PCDHGB1: variants seen among roughly 807,000 people sequenced by gnomAD.
The protein encoded by PCDHGB1 is protocadherin gamma-B1.
PCDHGB1 carries 34 observed loss-of-function variants against 56.6 expected under a neutral mutation model. The ratio of observed to expected loss-of-function variants is 0.60; its 90% CI spans 0.46 to 0.80. The LOEUF (loss-of-function observed/expected upper bound fraction) is 0.80. Among genes scored for constraint, PCDHGB1 ranks in the 30% least tolerant of loss-of-function variants. The probability of loss-of-function intolerance (pLI) is 0.00; values close to 1 mark genes in which losing one functional copy is unlikely to be tolerated. For synonymous variants in PCDHGB1, 561 were observed against 505.9 expected (o/e 1.11, Z -1.46); for missense variants, 1,278 against 1,204.6 (o/e 1.06, Z -0.90).
At chr5:141,376,380 G>C in intron 1 of PCDHGB1, 4 of 1,614,214 alleles carry the variant, frequency 2.5e-6, no homozygotes, top group Non-Finnish European at 3.4e-6. Flanking sequence ...TCGCGTAAGA[G>C]TCATCTGATT....
At chr5:141,398,957 T>G (rs1307112913) in intron 1 of PCDHGB1, 1 of 1,613,868 alleles carries the variant, frequency 6.2e-7, no homozygotes, top group South Asian at 1.1e-5. Context: ...AACTCAGAAA[T>G]TACTTATTCC....
chr5:141,489,913 A>G lies in PCDHGB1; in HGVS notation c.2410-4894A>G. 1 of 1,614,208 alleles carries G rather than the reference A, an allele frequency of 6.2e-7. No homozygotes were observed. Among genetic ancestry groups the G allele is most frequent in the Non-Finnish European group, 8.5e-7 (1 of 1,180,044 alleles). Reference sequence around the variant, plus strand: ...TGGGGGGACCCCAGCCCGCTCAGGGACCACCCTTATCTCTGTCATCGTGCT... The same window carrying G: ...TGGGGGGACCCCAGCCCGCTCAGGGGCCACCCTTATCTCTGTCATCGTGCT... On this transcript the variant is annotated intron_variant, in intron 1 of 3. Transcript: ENST00000523390. The surrounding 1 kb of genome is among the most constrained non-coding windows in gnomAD (Gnocchi z 4.5).
At chr5:141,389,330 C>A in intron 1 of PCDHGB1, 2 of 1,614,000 alleles carry the variant, frequency 1.2e-6, no homozygotes, top group Non-Finnish European at 1.7e-6. Context: ...TGGGGCCCAA[C>A]GGCCAAGTCT....
chr5:141,394,239 G>T (rs530540432), intron 1 of PCDHGB1: 1 of 1,613,750 alleles, frequency 6.2e-7, no homozygotes, highest in Non-Finnish European at 8.5e-7. Flanking sequence ...TTCCTTGACT[G>T]CACACGACCC....
At chr5:141,403,116 A>G (rs1313523426) in intron 1 of PCDHGB1, 6 of 1,614,042 alleles carry the variant, frequency 3.7e-6, no homozygotes, top group Non-Finnish European at 5.1e-6. Flanking sequence ...CTGGCTCTGG[A>G]GCCCCGGGAG....
chr5:141,375,152 G>T, intron 1 of PCDHGB1: 2 of 1,613,930 alleles, frequency 1.2e-6, no homozygotes, highest in Non-Finnish European at 1.7e-6. Context: ...CAGAACAATT[G>T]CTGAAAGTGC....
intron 1 of PCDHGB1, chr5:141,404,048 ATTC>A (rs1247713760): frequency 1.9e-6 from 3 of 1,613,866 alleles, no homozygotes; most frequent in South Asian, 1.1e-5. Flanking sequence ...GGGAACAGTA[ATTC>A]TTCTTTTCAA....
In PCDHGB1 at chr5:141,476,585, G is replaced by C; in HGVS notation, c.2410-18222G>C. 6.2e-7 allele frequency: 1 copy of C among 1,614,214 alleles called. No homozygotes were observed. The highest frequency in any genetic ancestry group is 8.5e-7 in the Non-Finnish European group (1 of 1,180,040). On this transcript the variant is annotated intron_variant, in intron 1 of 3. Coordinates refer to ENST00000523390, the MANE Select transcript of PCDHGB1 (RefSeq NM_018922.3). The surrounding 1 kb of genome is among the most constrained non-coding windows in gnomAD (Gnocchi z 7.6). ...GGCTCCGGGGACGCGCTTTCCGCTC[G>C]AGAGCGCGCACGATCCCGATGTGGG...
Position 141,486,494 on chromosome 5 carries a change from A to G in PCDHGB1, c.2410-8313A>G, listed in dbSNP as rs375607204. 9.3e-6 allele frequency: 15 copies of G among 1,614,058 alleles called. No individual in the cohort carries two copies. The highest frequency in any genetic ancestry group is 1.3e-5 in the Non-Finnish European group (15 of 1,179,958). ...CCCTCCTCTCAGTACCCACAGAACT[A>G]TTTTCCTCAATATTTCAGATGTGAA... On this transcript the variant is annotated intron_variant, in intron 1 of 3. Transcript: ENST00000523390. The surrounding 1 kb of genome is among the most constrained non-coding windows in gnomAD (Gnocchi z 5.0).
intron 1 of PCDHGB1, among the ~76,000 whole-genome samples, chr5:141,448,669 G>T: frequency 6.6e-6 from 1 of 152,136 alleles, no homozygotes; most frequent in East Asian, 1.9e-4. Flanking sequence ...GGCCGGGCGC[G>T]GTGGCTCACG....
intron 1 of PCDHGB1, chr5:141,362,256 G>A (rs775272258): frequency 6.2e-7 from 1 of 1,614,020 alleles, no homozygotes; most frequent in Non-Finnish European, 8.5e-7. Flanking sequence ...TCCTCGCGGT[G>A]ATTCTGGCAA....
chr5:141,374,427 A>G, intron 1 of PCDHGB1: 3 of 1,613,980 alleles, frequency 1.9e-6, no homozygotes, highest in Non-Finnish European at 2.5e-6. Context: ...GATAAACTGA[A>G]TCTTTATCCC....
intron 2 of PCDHGB1, among the ~76,000 whole-genome samples, chr5:141,500,125 T>C (rs1367341826): frequency 2.0e-5 from 3 of 151,970 alleles, no homozygotes; most frequent in African/African-American, 4.8e-5. Flanking sequence ...CCTTTTCATA[T>C]ATATCTTTCT....
Position 141,431,112 on chromosome 5 carries a change from GAGTAGA to G in PCDHGB1, c.2410-63684_2410-63679del, listed in dbSNP as rs764068262. On this transcript the variant is annotated intron_variant, in intron 1 of 3. Transcript: ENST00000523390. The surrounding 1 kb of genome is among the most constrained non-coding windows in gnomAD (Gnocchi z 4.8). ...ATGGAGGATAAAGTGAAAATATATG[GAGTAGA>G]AGTAGAAGTAAGGGACATTAACGAC... The G allele has an allele frequency of 1.7e-5, 28 of 1,614,128 alleles. No individual in the cohort carries two copies. The highest frequency in any genetic ancestry group is 3.3e-5 in the South Asian group (3 of 91,092).
intron 1 of PCDHGB1, chr5:141,376,017 C>G: frequency 6.2e-7 from 1 of 1,613,290 alleles, no homozygotes; most frequent in Middle Eastern, 1.7e-4. Flanking sequence ...CTAGTGGTGG[C>G]CGTCCAGGAC....
intron 1 of PCDHGB1, chr5:141,418,301 C>T: frequency 6.2e-7 from 1 of 1,613,980 alleles, no homozygotes; most frequent in South Asian, 1.1e-5. Context: ...ATCCGTCAGC[C>T]TGGGGATGGG....
intron 1 of PCDHGB1, chr5:141,420,545 A>G: frequency 3.5e-6 from 1 of 289,066 alleles, no homozygotes; most frequent in Non-Finnish European, 6.2e-6. Flanking sequence ...TATAAAATAC[A>G]GGTATATTTT....
intron 1 of PCDHGB1, chr5:141,407,918 C>T (rs890872713): frequency 1.1e-5 from 5 of 472,514 alleles, no homozygotes. Context: ...GGGCTGCTGT[C>T]CCGCACGGAG....
chr5:141,409,953 CCGG>C (rs1418234891), intron 1 of PCDHGB1: 2 of 1,613,280 alleles, frequency 1.2e-6, no homozygotes, highest in Non-Finnish European at 1.7e-6. Flanking sequence ...TCTGCAGAGC[CCGG>C]CTACCTAGTG....
Sources: gnomAD v4.1 joint callset for allele counts (sites outside exome capture counted in the v4.1 genomes callset) on GRCh38, gnomAD v4.1.1 for gene constraint, Gnocchi (gnomAD v3.1) non-coding constraint, MANE v1.5 for transcripts, NCBI Gene and HGNC (gene_info 2026-07-23, HGNC 2026-07-21) for gene names.